Variants in FGF13 observed in about 807,000 individuals in gnomAD.
FGF13 encodes the protein fibroblast growth factor 13.
Under a neutral mutation model 19.5 loss-of-function variants are expected in FGF13, and 2 were observed. The ratio of observed to expected loss-of-function variants is 0.10; its 90% CI spans 0.04 to 0.32. The LOEUF (loss-of-function observed/expected upper bound fraction) is 0.32, where lower values mean the gene tolerates loss of function less well. Ranked by LOEUF, FGF13 falls within the 10% of genes least tolerant of loss-of-function variation. The pLI, the probability that FGF13 is intolerant of heterozygous loss-of-function variation, is 1.00. For synonymous variants in FGF13, 72 were observed against 76.9 expected (o/e 0.94, Z 0.33); for missense variants, 113 against 192.7 (o/e 0.59, Z 2.45).
chrX:138,750,338 C>T (rs1399487712), intron 3 of FGF13, among the ~76,000 whole-genome samples: 7 of 112,012 alleles, frequency 6.2e-5, no homozygotes, highest in Non-Finnish European at 1.3e-4. Flanking sequence ...TATTACAATG[C>T]TAAACTGTCA....
chrX:138,808,531 AC>A (rs1569400381), intron 3 of FGF13, among the ~76,000 whole-genome samples: 1 of 111,646 alleles, frequency 9.0e-6, no homozygotes, highest in Non-Finnish European at 1.9e-5. Context: ...AATGGAAAGA[AC>A]TAGAGAAGCA....
chrX:139,040,806 A>C (rs1055074606), intron 1 of FGF13, among the ~76,000 whole-genome samples: 3 of 111,195 alleles, frequency 2.7e-5, no homozygotes, highest in East Asian at 5.6e-4. Flanking sequence ...GAATCAACCT[A>C]AATGCCCATC....
Position 139,197,329 on chromosome X carries a change from A to G in FGF13, c.-113+6087T>C, listed in dbSNP as rs183887414. Among the ~76,000 whole-genome samples the G allele has an allele frequency of 4.2e-4, 47 of 112,895 alleles. No homozygotes were observed. In the East Asian group the frequency reaches 0.011, roughly 27 times the overall value. The stretch of plus-strand genomic sequence containing the variant: ...TGTACTTCATTTGGCTGTCAGGATT[A>G]AATTAGATATATGTAAAAATAATGT... On this transcript the variant is annotated intron_variant, in intron 1 of 2. Coordinates refer to the FGF13 transcript ENST00000421460.
At chrX:138,958,494 T>C (rs145523469) in intron 1 of FGF13, among the ~76,000 whole-genome samples, 7,433 of 111,324 alleles carry the variant, frequency 0.067, 228 homozygotes, top group Non-Finnish European at 0.1. Context: ...CTCTTTGTTG[T>C]GTCTCTGCCA....
intron 1 of FGF13, among the ~76,000 whole-genome samples, chrX:139,147,950 C>T (rs2083904146): frequency 9.0e-6 from 1 of 110,752 alleles, no homozygotes; most frequent in Non-Finnish European, 1.9e-5. Context: ...CCAAATAAGG[C>T]AACATTCTGA....
intron 3 of FGF13, among the ~76,000 whole-genome samples, chrX:138,651,047 AG>A (rs770286699): frequency 8.9e-6 from 1 of 112,039 alleles, no homozygotes; most frequent in South Asian, 3.7e-4. Flanking sequence ...TGAAAACCAT[AG>A]GGAGGAGGAA....
chrX:138,639,570 G>GT (rs759738609), intron 3 of FGF13, among the ~76,000 whole-genome samples: 1 of 112,105 alleles, frequency 8.9e-6, no homozygotes, highest in South Asian at 3.7e-4. Context: ...GCATATCTAT[G>GT]TTTTTTCAGA....
intron 1 of FGF13, among the ~76,000 whole-genome samples, chrX:138,894,204 A>G (rs1185717150): frequency 9.0e-6 from 1 of 110,569 alleles, no homozygotes; most frequent in Non-Finnish European, 1.9e-5. Context: ...AGGAAAGACT[A>G]AAGGACCTGT....
At chrX:139,151,907 T>C (rs1256644518) in intron 1 of FGF13, among the ~76,000 whole-genome samples, 3 of 112,037 alleles carry the variant, frequency 2.7e-5, no homozygotes, top group East Asian at 5.6e-4. Flanking sequence ...AGGACAGATA[T>C]AGGTACAACA....
Position 138,748,662 on chromosome X carries a change from A to T in FGF13, c.218-39734T>A, listed in dbSNP as rs758369101. Among the ~76,000 whole-genome samples, 7 of 111,940 alleles carry T rather than the reference A, an allele frequency of 6.3e-5. No homozygotes were observed. The South Asian group carries it at 1.5e-3, about 25-fold the overall frequency. ...AACTTTGCCATTTCTTTTTCAAACA[A>T]CGCCACCTAGAGGACAAGGTAGCAG... On this transcript the variant is annotated intron_variant, in intron 3 of 6. Transcript: ENST00000436198.
At chrX:138,743,996 T>C (rs2090338306), upstream of FGF13, among the ~76,000 whole-genome samples, 1 of 111,357 alleles carries the variant, frequency 9.0e-6, no homozygotes, top group African/African-American at 3.3e-5. Flanking sequence ...CCATAAAATG[T>C]TCTTCAGTGA....
intron 3 of FGF13, among the ~76,000 whole-genome samples, chrX:138,679,627 G>A (rs1174148133): frequency 8.9e-6 from 1 of 112,412 alleles, no homozygotes; most frequent in Non-Finnish European, 1.9e-5. Flanking sequence ...ACAGCATTAT[G>A]TCTAAACATT....
At chrX:138,792,961 A>G (rs1206661911) in intron 3 of FGF13, among the ~76,000 whole-genome samples, 1 of 111,800 alleles carries the variant, frequency 8.9e-6, no homozygotes, top group African/African-American at 3.3e-5. Flanking sequence ...ATAAGATTAT[A>G]TTGGATTATC....
intron 1 of FGF13, among the ~76,000 whole-genome samples, chrX:139,099,435 C>G (rs770600239): frequency 9.5e-6 from 1 of 105,422 alleles, no homozygotes; most frequent in East Asian, 3.0e-4. Flanking sequence ...ACTCTACTTG[C>G]TAAGCCTCAA....
chrX:139,150,627 T>A (rs909847598), intron 1 of FGF13, among the ~76,000 whole-genome samples: 1 of 111,848 alleles, frequency 8.9e-6, no homozygotes, highest in Non-Finnish European at 1.9e-5. Flanking sequence ...CTTCTCTCTA[T>A]CCTATCAACA....
intron 3 of FGF13, among the ~76,000 whole-genome samples, chrX:138,777,302 G>C (rs745932764): frequency 1.9e-3 from 211 of 111,559 alleles, no homozygotes; most frequent in African/African-American, 6.6e-3. Context: ...CAGCCAGGCA[G>C]TACTGGCAAT....
intron 1 of FGF13, among the ~76,000 whole-genome samples, chrX:138,948,454 T>C (rs2091792886): frequency 8.9e-6 from 1 of 111,877 alleles, no homozygotes; most frequent in African/African-American, 3.2e-5. Flanking sequence ...CCTCTAGAGC[T>C]GAGGCCTTTG....
intron 1 of FGF13, among the ~76,000 whole-genome samples, chrX:139,163,620 G>A (rs759890921): frequency 9.0e-6 from 1 of 111,301 alleles, no homozygotes; most frequent in Non-Finnish European, 1.9e-5. Context: ...TGGTCACATT[G>A]TTGGAGGTCA....
chrX:138,681,507 C>A (rs2089728810), intron 3 of FGF13, among the ~76,000 whole-genome samples: 1 of 112,924 alleles, frequency 8.9e-6, no homozygotes, highest in Admixed American at 9.3e-5. Context: ...TCCATATCAG[C>A]CGTAAGGCTA....
Sources: allele counts gnomAD v4.1 joint callset (sites outside exome capture counted in the v4.1 genomes callset), GRCh38; gene constraint gnomAD v4.1.1; transcripts MANE v1.5; gene names NCBI Gene and HGNC (gene_info 2026-07-23, HGNC 2026-07-21).